MKLN1: variants seen among roughly 807,000 people sequenced by gnomAD.
MKLN1 encodes muskelin.
Under a neutral mutation model 99.0 loss-of-function variants are expected in MKLN1, and 18 were observed. The ratio of observed to expected loss-of-function variants is 0.18; its 90% CI spans 0.13 to 0.27. The LOEUF (loss-of-function observed/expected upper bound fraction) is 0.27. Among genes scored for constraint, MKLN1 ranks in the 10% least tolerant of loss-of-function variants. The pLI is 1.00. For synonymous variants in MKLN1, 288 were observed against 293.2 expected, an observed-to-expected ratio of 0.98 and a Z score of 0.18; for missense variants, 621 against 875.9, an observed-to-expected ratio of 0.71 and a Z score of 3.67.
intron 2 of MKLN1, among the ~76,000 whole-genome samples, chr7:131,143,202 C>T (rs1043250360): frequency 1.3e-5 from 2 of 152,198 alleles, no homozygotes; most frequent in African/African-American, 2.4e-5. Context: ...GGCGCAGTGG[C>T]TCATGTCTGT....
intron 1 of MKLN1, among the ~76,000 whole-genome samples, chr7:131,374,143 T>C (rs913562054): frequency 6.6e-6 from 1 of 152,140 alleles, no homozygotes; most frequent in Non-Finnish European, 1.5e-5. Context: ...TAAAAAACAC[T>C]TTTTTTCTTG....
chr7:131,259,727 C>A (rs1289556313), intron 3 of MKLN1, among the ~76,000 whole-genome samples: 1 of 151,962 alleles, frequency 6.6e-6, no homozygotes, highest in African/African-American at 2.4e-5. Flanking sequence ...TTTAAGTGTA[C>A]AATTTAATGG....
intron 1 of MKLN1, among the ~76,000 whole-genome samples, chr7:131,356,869 C>T (rs1359859104): frequency 6.6e-6 from 1 of 152,116 alleles, no homozygotes; most frequent in East Asian, 1.9e-4. Context: ...CAGGAGAATT[C>T]GAATGAGGGG....
At chr7:131,441,485 G>A (rs1197662888) in intron 10 of MKLN1, among the ~76,000 whole-genome samples, 1 of 152,036 alleles carries the variant, frequency 6.6e-6, no homozygotes, top group Non-Finnish European at 1.5e-5. Flanking sequence ...TAAATGAATA[G>A]TCTTTAAACT....
chr7:131,332,698 C>T (rs1799114147), intron 1 of MKLN1, among the ~76,000 whole-genome samples: 1 of 151,710 alleles, frequency 6.6e-6, no homozygotes, highest in Non-Finnish European at 1.5e-5. Context: ...TCTGTATTTG[C>T]TTTTTCCTCC....
At chr7:131,176,681 T>A (rs1796303958) in intron 2 of MKLN1, among the ~76,000 whole-genome samples, 1 of 152,270 alleles carries the variant, frequency 6.6e-6, no homozygotes, top group South Asian at 2.1e-4. Flanking sequence ...CGAGTCGTTG[T>A]CTGAAATGAA....
intron 2 of MKLN1, among the ~76,000 whole-genome samples, chr7:131,176,970 A>G (rs1182973747): frequency 6.6e-6 from 1 of 152,150 alleles, no homozygotes; most frequent in Non-Finnish European, 1.5e-5. Context: ...GCTGGGAGGG[A>G]TGGTAATAAT....
chr7:131,277,453 T>G (rs910280915), intron 3 of MKLN1, among the ~76,000 whole-genome samples: 1 of 152,116 alleles, frequency 6.6e-6, no homozygotes, highest in African/African-American at 2.4e-5. Context: ...CCTGCTAATT[T>G]TTGTATTTTT....
At chr7:131,161,404 C>A (rs374934985) in intron 2 of MKLN1, among the ~76,000 whole-genome samples, 41 of 152,202 alleles carry the variant, frequency 2.7e-4, no homozygotes, top group East Asian at 1.7e-3. Flanking sequence ...GGTTGAGTAT[C>A]CCTAATCTAA....
At chr7:131,351,751 G>A (rs34115439) in intron 1 of MKLN1, among the ~76,000 whole-genome samples, 1 of 152,278 alleles carries the variant, frequency 6.6e-6, no homozygotes, top group African/African-American at 2.4e-5. Context: ...CCACTCCCTA[G>A]GTGGTGCCAT....
chr7:131,323,426 GA>G, upstream of MKLN1: 1 of 152,240 alleles, frequency 6.6e-6, no homozygotes, highest in East Asian at 1.9e-4. Flanking sequence ...GGTGCCAGTG[GA>G]AGTCAGTCTC....
intron 2 of MKLN1, among the ~76,000 whole-genome samples, chr7:131,185,919 G>A (rs560956967): frequency 6.6e-6 from 1 of 152,218 alleles, no homozygotes; most frequent in African/African-American, 2.4e-5. Context: ...TGGGCCGGGG[G>A]TGGTGGTGCA....
chr7:131,321,385 A>G (rs1798772815), intron 3 of MKLN1, among the ~76,000 whole-genome samples: 1 of 152,200 alleles, frequency 6.6e-6, no homozygotes. Context: ...ATGAGAATAG[A>G]TGGACACAAG....
chr7:131,158,517 G>A (rs1253767125), intron 2 of MKLN1, among the ~76,000 whole-genome samples: 1 of 152,128 alleles, frequency 6.6e-6, no homozygotes, highest in African/African-American at 2.4e-5. Context: ...CATTCCTGAG[G>A]TGTCATTCCA....
At position 131,242,500 on chromosome 7, in the gene MKLN1, C is replaced by T. The variant is rs6943889; in HGVS notation, c.-179+39526C>T. 1,311 of 249,716 alleles carry T rather than the reference C, an allele frequency of 5.2e-3. 14 individuals are homozygous for T. The highest frequency in any genetic ancestry group is 0.028 in the African/African-American group (1,226 of 43,244). The allele number at this position is 249,716 out of a possible 1,614,324, so 15.5% of individuals were successfully genotyped here. A position where few individuals can be genotyped will look rare whatever the true frequency, so the allele number is the denominator to read the frequency against. On this transcript the variant is annotated intron_variant, in intron 3 of 7. Coordinates refer to the MKLN1 transcript ENST00000416992. The stretch of plus-strand genomic sequence containing the variant: ...AAAGTGAGCTGTGATTGCGCCACTG[C>T]CCTCCAGGCTGGGTGACAGAGTGTG...
intron 6 of MKLN1, 31 bp from the exon 7 acceptor site, chr7:131,411,275 G>T: frequency 7.3e-7 from 1 of 1,371,200 alleles, no homozygotes; most frequent in East Asian, 2.3e-5. Context: ...TAGTTAAGGT[G>T]TAATTCTTTC....
intron 1 of MKLN1, among the ~76,000 whole-genome samples, chr7:131,343,298 C>T (rs764720741): frequency 6.6e-6 from 1 of 152,136 alleles, no homozygotes; most frequent in South Asian, 2.1e-4. Flanking sequence ...AGACTTTTCC[C>T]TAAAGTTTAT....
intron 3 of MKLN1, among the ~76,000 whole-genome samples, chr7:131,247,872 T>TTTTTG (rs149673100): frequency 0.024 from 3,607 of 151,624 alleles, 120 homozygotes; most frequent in African/African-American, 0.071. Flanking sequence ...GCTACTGCCT[T>TTTTTG]TTTTGTTTTG....
intron 12 of MKLN1, among the ~76,000 whole-genome samples, chr7:131,446,445 G>A (rs1796021108): frequency 6.6e-6 from 1 of 152,222 alleles, no homozygotes; most frequent in Admixed American, 6.5e-5. Flanking sequence ...ATCATTTATA[G>A]TTACCCTACA....
Sources: allele counts gnomAD v4.1 joint callset (sites outside exome capture counted in the v4.1 genomes callset), GRCh38; gene constraint gnomAD v4.1.1; transcripts MANE v1.5; gene names NCBI Gene and HGNC (gene_info 2026-07-23, HGNC 2026-07-21).